CTNNA3: variants seen among roughly 807,000 people sequenced by gnomAD.
The protein encoded by CTNNA3 is catenin alpha 3, also known as catenin alpha-3.
CTNNA3 carries 76 observed loss-of-function variants against 95.7 expected under a neutral mutation model. The ratio of observed to expected loss-of-function variants is 0.79; its 90% confidence interval spans 0.66 to 0.96. CTNNA3 has a LOEUF of 0.96. Ranked by LOEUF, CTNNA3 falls within the 40% of genes least tolerant of loss-of-function variation. The pLI is 0.00. For missense variants in CTNNA3, 1,191 were observed against 1,089.8 expected (o/e 1.09, Z -1.31); for synonymous variants, 431 against 374.4 (o/e 1.15, Z -1.74).
intron 13 of CTNNA3, among the ~76,000 whole-genome samples, chr10:66,218,923 CCTGA>C: frequency 6.6e-6 from 1 of 152,162 alleles, no homozygotes; most frequent in Non-Finnish European, 1.5e-5. Flanking sequence ...CCAAATTTTT[CCTGA>C]CTGAATTTAA....
intron 10 of CTNNA3, among the ~76,000 whole-genome samples, chr10:66,563,922 C>T (rs534167515): frequency 5.3e-5 from 8 of 152,150 alleles, no homozygotes; most frequent in Middle Eastern, 3.4e-3. Flanking sequence ...TGAGTTATCC[C>T]GCTTTTCCAG....
intron 12 of CTNNA3, among the ~76,000 whole-genome samples, chr10:66,362,819 G>A (rs2092686352): frequency 6.6e-6 from 1 of 151,966 alleles, no homozygotes; most frequent in Non-Finnish European, 1.5e-5. Flanking sequence ...TTTTATACAT[G>A]AAGTAGTTTT....
chr10:66,676,755 T>C (rs1253168978), intron 9 of CTNNA3, among the ~76,000 whole-genome samples: 2 of 152,142 alleles, frequency 1.3e-5, no homozygotes, highest in African/African-American at 2.4e-5. Flanking sequence ...AGTCAAGAGA[T>C]GATTTATTCA....
At chr10:67,572,963 C>T (rs1405229261) in intron 3 of CTNNA3, among the ~76,000 whole-genome samples, 2 of 152,138 alleles carry the variant, frequency 1.3e-5, no homozygotes, top group African/African-American at 4.8e-5. Flanking sequence ...GTGGTGCACA[C>T]CTACAGTCCC....
At chr10:67,161,272 A>G (rs977228596) in intron 7 of CTNNA3, among the ~76,000 whole-genome samples, 1 of 152,110 alleles carries the variant, frequency 6.6e-6, no homozygotes, top group Admixed American at 6.5e-5. Flanking sequence ...AAGTAAAAAT[A>G]TGAATAAAAA....
intron 7 of CTNNA3, among the ~76,000 whole-genome samples, chr10:67,108,981 T>G (rs1484882679): frequency 6.6e-6 from 1 of 152,184 alleles, no homozygotes; most frequent in East Asian, 1.9e-4. Flanking sequence ...TTAAAGTAAT[T>G]AATAAATTCA....
intron 9 of CTNNA3, among the ~76,000 whole-genome samples, chr10:66,682,374 C>A (rs1355522621): frequency 6.6e-6 from 1 of 152,000 alleles, no homozygotes; most frequent in African/African-American, 2.4e-5. Flanking sequence ...ATAAAGAAAT[C>A]TTGTTGTATA....
intron 14 of CTNNA3, among the ~76,000 whole-genome samples, chr10:66,091,171 A>G (rs190601571): frequency 1.7e-4 from 26 of 152,090 alleles, no homozygotes; most frequent in African/African-American, 6.0e-4. Context: ...TAAGGCAGAA[A>G]AAGCAGAGAC....
At chr10:65,938,442 T>G (rs996987568) in intron 17 of CTNNA3, among the ~76,000 whole-genome samples, 1 of 152,204 alleles carries the variant, frequency 6.6e-6, no homozygotes, top group African/African-American at 2.4e-5. Context: ...AATCAATTTG[T>G]CACATCTATA....
intron 14 of CTNNA3, among the ~76,000 whole-genome samples, chr10:66,090,026 A>C (rs1334405664): frequency 2.6e-5 from 4 of 151,990 alleles, no homozygotes; most frequent in Non-Finnish European, 5.9e-5. Context: ...ACATGAATCT[A>C]ATGCTACATT....
intron 12 of CTNNA3, among the ~76,000 whole-genome samples, chr10:66,332,688 CT>C (rs2092345464): frequency 6.6e-6 from 1 of 151,966 alleles, no homozygotes. Context: ...CTAAAATTCT[CT>C]TTTTTTGTAG....
At chr10:67,610,613 G>A (rs1337706332) in intron 2 of CTNNA3, among the ~76,000 whole-genome samples, 1 of 152,162 alleles carries the variant, frequency 6.6e-6, no homozygotes, top group African/African-American at 2.4e-5. Context: ...CCAAGGCGGA[G>A]GATAGGAGGG....
intron 13 of CTNNA3, among the ~76,000 whole-genome samples, chr10:66,225,796 A>T (rs549991461): frequency 6.6e-6 from 1 of 151,768 alleles, no homozygotes; most frequent in South Asian, 2.1e-4. Context: ...ACCTCTCTGG[A>T]TTTAATTTGC....
intron 9 of CTNNA3, among the ~76,000 whole-genome samples, chr10:66,665,472 ATC>A (rs1846419442): frequency 1.3e-5 from 2 of 152,208 alleles, no homozygotes; most frequent in South Asian, 4.1e-4. Flanking sequence ...ACACAATTTT[ATC>A]TCTGTCTTTG....
At chr10:66,549,701 C>T (rs1842155596) in intron 10 of CTNNA3, among the ~76,000 whole-genome samples, 1 of 152,176 alleles carries the variant, frequency 6.6e-6, no homozygotes, top group Admixed American at 6.5e-5. Flanking sequence ...CAGTTTGAAA[C>T]ATTTTCTAAT....
chr10:66,746,088 A>G (rs1257808631), intron 9 of CTNNA3, among the ~76,000 whole-genome samples: 1 of 152,178 alleles, frequency 6.6e-6, no homozygotes, highest in Non-Finnish European at 1.5e-5. Flanking sequence ...TTGTTTGCCA[A>G]ATGAAAAAGA....
intron 10 of CTNNA3, among the ~76,000 whole-genome samples, chr10:66,529,381 C>G (rs892716773): frequency 1.7e-4 from 25 of 151,190 alleles, no homozygotes; most frequent in African/African-American, 5.6e-4. Context: ...ATCCACCCGC[C>G]TTGGCCTCGC....
chr10:66,061,095 A>G (rs2080186820), intron 15 of CTNNA3, among the ~76,000 whole-genome samples: 1 of 152,118 alleles, frequency 6.6e-6, no homozygotes, highest in Non-Finnish European at 1.5e-5. Context: ...AATGTTAACA[A>G]TGTAACACAG....
intron 13 of CTNNA3, among the ~76,000 whole-genome samples, chr10:66,219,872 C>T (rs1258885461): frequency 6.6e-6 from 1 of 152,062 alleles, no homozygotes; most frequent in Non-Finnish European, 1.5e-5. Flanking sequence ...ACCTGTAATC[C>T]CAGGACTTTG....
Sources: allele counts gnomAD v4.1 joint callset (sites outside exome capture counted in the v4.1 genomes callset), GRCh38; gene constraint gnomAD v4.1.1; transcripts MANE v1.5; gene names NCBI Gene and HGNC (gene_info 2026-07-23, HGNC 2026-07-21).